Variants in TAFA5 observed in about 807,000 individuals in gnomAD.
TAFA5 encodes chemokine-like protein TAFA-5.
A neutral mutation model predicts 15.3 loss-of-function variants in TAFA5; 6 were observed. That is an observed-to-expected ratio of 0.39 (90% confidence interval 0.21 to 0.77). The LOEUF (loss-of-function observed/expected upper bound fraction) is 0.77, where lower values mean the gene tolerates loss of function less well. Among genes scored for constraint, TAFA5 ranks in the 30% least tolerant of loss-of-function variants. TAFA5 has a pLI of 0.41. For missense variants in TAFA5, 161 were observed against 193.1 expected, an observed-to-expected ratio of 0.83 and a Z score of 0.98; for synonymous variants, 103 against 80.7, an observed-to-expected ratio of 1.28 and a Z score of -1.48.
chr22:48,497,231 G>A (rs1928360442), intron 1 of TAFA5, among the ~76,000 whole-genome samples: 1 of 152,230 alleles, frequency 6.6e-6, no homozygotes, highest in Non-Finnish European at 1.5e-5. Flanking sequence ...TCCCGTATGG[G>A]CGGACCTTGC....
At chr22:48,703,328 C>T (rs1010655132) in intron 2 of TAFA5, among the ~76,000 whole-genome samples, 1 of 152,200 alleles carries the variant, frequency 6.6e-6, no homozygotes, top group Admixed American at 6.5e-5. Context: ...CGGACCCCGC[C>T]GTCCTTCCTT....
At chr22:48,537,125 C>T (rs1039382785) in intron 1 of TAFA5, among the ~76,000 whole-genome samples, 3 of 152,082 alleles carry the variant, frequency 2.0e-5, no homozygotes, top group Admixed American at 2.0e-4. Context: ...CTGACTTGAG[C>T]CAGATGGCTT....
At chr22:48,605,551 T>A (rs566123885) in intron 1 of TAFA5, among the ~76,000 whole-genome samples, 2 of 152,196 alleles carry the variant, frequency 1.3e-5, no homozygotes, top group Non-Finnish European at 1.5e-5. Context: ...TATGTCTTAC[T>A]GCATTTCATC....
intron 1 of TAFA5, among the ~76,000 whole-genome samples, chr22:48,503,118 C>T (rs534949179): frequency 1.3e-5 from 2 of 152,302 alleles, no homozygotes; most frequent in East Asian, 1.9e-4. Flanking sequence ...CGGGAGGCAG[C>T]GGGTGGCTCC....
chr22:48,683,291 C>G (rs757475187), intron 2 of TAFA5, among the ~76,000 whole-genome samples: 1 of 152,194 alleles, frequency 6.6e-6, no homozygotes, highest in African/African-American at 2.4e-5. Flanking sequence ...TACACACAGA[C>G]GAGAGTGCTG....
chr22:48,713,465 C>T (rs373581318), intron 3 of TAFA5, among the ~76,000 whole-genome samples: 5 of 152,362 alleles, frequency 3.3e-5, no homozygotes, highest in African/African-American at 9.6e-5. Context: ...TCTCTTCTCT[C>T]GTCTTGCCAT....
chr22:48,648,502 C>T (rs1236389085), intron 2 of TAFA5, among the ~76,000 whole-genome samples: 2 of 152,174 alleles, frequency 1.3e-5, no homozygotes, highest in Non-Finnish European at 2.9e-5. Context: ...AGGGCCAAGG[C>T]ATCCTGAGCA....
rs533112337 is a variant in TAFA5, at chr22:48,693,904, G to A, written c.263-13813G>A. The stretch of plus-strand genomic sequence containing the variant: ...GACAGATGGTGCCCCGGGTGTTTCC[G>A]CCGGGTGGGGAAACTGTGGGGTCCC... On this transcript the variant is annotated intron_variant, in intron 2 of 3. Transcript: ENST00000402357. Among the ~76,000 whole-genome samples the A allele has an allele frequency of 6.6e-5, 10 of 152,284 alleles. No individual in the cohort carries two copies. The South Asian group carries it at 1.7e-3, about 25-fold the overall frequency.
chr22:48,617,561 G>A (rs902026650), intron 1 of TAFA5, among the ~76,000 whole-genome samples: 3 of 152,220 alleles, frequency 2.0e-5, no homozygotes, highest in East Asian at 1.9e-4. Flanking sequence ...GCAGAACCTC[G>A]GCACTCACTG....
At chr22:48,613,882 C>A (rs1266324862) in intron 1 of TAFA5, among the ~76,000 whole-genome samples, 2 of 152,188 alleles carry the variant, frequency 1.3e-5, no homozygotes, top group African/African-American at 2.4e-5. Flanking sequence ...GTCTCCAGGC[C>A]CCCATGGCTG....
chr22:48,721,490 C>T (rs1237482803), intron 3 of TAFA5, among the ~76,000 whole-genome samples: 2 of 152,206 alleles, frequency 1.3e-5, no homozygotes, highest in East Asian at 1.9e-4. Context: ...GCAGAAGGTG[C>T]TGGCCAAGTG....
At chr22:48,542,658 T>TGTGTGGTGTGTGG in intron 1 of TAFA5, among the ~76,000 whole-genome samples, 1 of 136,700 alleles carries the variant, frequency 7.3e-6, no homozygotes, top group East Asian at 2.2e-4. Flanking sequence ...GTGGTGTGTG[T>TGTGTGGTGTGTGG]GTGGTGTGTG....
chr22:48,663,715 C>T (rs1043896992), intron 2 of TAFA5, among the ~76,000 whole-genome samples: 3 of 152,162 alleles, frequency 2.0e-5, no homozygotes, highest in African/African-American at 7.2e-5. Context: ...CCACTTTGTC[C>T]CATCCGGTCC....
chr22:48,497,201 C>A lies in TAFA5; in HGVS notation c.112+7497C>A, dbSNP rs558914659. On this transcript the variant is annotated intron_variant, in intron 1 of 3. Transcript: ENST00000402357. ...CCGTTCCGCCCCCGCCTGCGGTGTT[C>A]CAGGCCGCGCCTCCCTCCTTCCCGT... 7.3e-4 allele frequency among the ~76,000 whole-genome samples: 111 copies of A among 152,358 alleles called. 1 individual carries two copies. Among genetic ancestry groups the A allele is most frequent in the Non-Finnish European group, 1.1e-3 (76 of 68,032 alleles).
intron 2 of TAFA5, among the ~76,000 whole-genome samples, 191 bp downstream of exon 2, chr22:48,646,937 G>A (rs1042628776): frequency 2.2e-4 from 33 of 152,216 alleles, no homozygotes; most frequent in African/African-American, 7.7e-4. Context: ...TGGCTGGGGT[G>A]CAGTCTCCAG....
chr22:48,620,291 G>A (rs188980873), intron 1 of TAFA5, among the ~76,000 whole-genome samples: 220 of 152,094 alleles, frequency 1.4e-3, no homozygotes, highest in Middle Eastern at 0.01. Context: ...GGCATCTCCC[G>A]CCTCTTCCTC....
At chr22:48,568,938 G>A (rs946890517) in intron 1 of TAFA5, among the ~76,000 whole-genome samples, 1 of 152,168 alleles carries the variant, frequency 6.6e-6, no homozygotes, top group African/African-American at 2.4e-5. Flanking sequence ...GGCCAGGGAT[G>A]AGGGCAGACG....
intron 1 of TAFA5, among the ~76,000 whole-genome samples, chr22:48,562,715 G>A (rs919721150): frequency 1.3e-5 from 2 of 152,306 alleles, no homozygotes; most frequent in East Asian, 1.9e-4. Context: ...CTGGCAGATG[G>A]GACAGCCAGG....
At chr22:48,605,869 A>G (rs1601610563) in intron 1 of TAFA5, among the ~76,000 whole-genome samples, 1 of 152,272 alleles carries the variant, frequency 6.6e-6, no homozygotes, top group East Asian at 1.9e-4. Flanking sequence ...CCTGGAGTGT[A>G]AGCGTCCATG....
Sources: gnomAD v4.1 joint callset for allele counts (sites outside exome capture counted in the v4.1 genomes callset) on GRCh38, gnomAD v4.1.1 for gene constraint, MANE v1.5 for transcripts, NCBI Gene and HGNC (gene_info 2026-07-23, HGNC 2026-07-21) for gene names.